SERPINE3: variants seen among roughly 807,000 people sequenced by gnomAD.
SERPINE3 encodes serpin family E member 3, also known as serpin E3.
Under a neutral mutation model 41.7 loss-of-function variants are expected in SERPINE3, and 43 were observed. The observed-to-expected ratio is 1.03, with a 90% CI of 0.81 to 1.33. The LOEUF is 1.33. Among genes scored for constraint, SERPINE3 ranks in the 40% most tolerant of loss-of-function variants. The probability of loss-of-function intolerance (pLI) is 0.00; values close to 1 mark genes in which losing one functional copy is unlikely to be tolerated. For missense variants in SERPINE3, 440 were observed against 491.7 expected, an observed-to-expected ratio of 0.89 and a Z score of 0.99; for synonymous variants, 200 against 192.2, an observed-to-expected ratio of 1.04 and a Z score of -0.34.
chr13:51,353,874 T>C (rs1955438060), intron 6 of SERPINE3, among the ~76,000 whole-genome samples: 1 of 152,198 alleles, frequency 6.6e-6, no homozygotes, highest in African/African-American at 2.4e-5. Context: ...TCCATTTTGA[T>C]CTTTTTTATT....
chr13:51,342,053 C>T (rs1033539055), intron 3 of SERPINE3, among the ~76,000 whole-genome samples: 7 of 152,090 alleles, frequency 4.6e-5, no homozygotes, highest in Non-Finnish European at 8.8e-5. Flanking sequence ...CCTCTGCTTA[C>T]GCTCAGTGCC....
intron 5 of SERPINE3, among the ~76,000 whole-genome samples, chr13:51,347,511 G>A (rs1445731463): frequency 6.6e-6 from 1 of 152,170 alleles, no homozygotes; most frequent in African/African-American, 2.4e-5. Context: ...AGTAGAGTTT[G>A]GACCAAACTG....
At chr13:51,342,178 CA>C (rs869298134) in intron 3 of SERPINE3, among the ~76,000 whole-genome samples, 4,476 of 63,624 alleles carry the variant, frequency 0.07, 66 homozygotes, top group South Asian at 0.12. Context: ...AAAGACAGAA[CA>C]AAAAAAAAAA....
At chr13:51,364,164 T>C in intron 9 of SERPINE3, 75 bp from the exon 10 acceptor site, 2 of 687,162 alleles carry the variant, frequency 2.9e-6, no homozygotes, top group Admixed American at 3.0e-5. Flanking sequence ...AAAGTATTTG[T>C]ATAGAAGTAA....
At chr13:51,348,591 C>A (rs1431200033) in intron 6 of SERPINE3, 180 bp downstream of exon 6, 2 of 592,952 alleles carry the variant, frequency 3.4e-6, no homozygotes, top group South Asian at 2.1e-5. Context: ...CATTTCAGAG[C>A]CACTGCTGGC....
At chr13:51,346,341 T>C (rs1216299972) in intron 4 of SERPINE3, among the ~76,000 whole-genome samples, 1 of 152,052 alleles carries the variant, frequency 6.6e-6, no homozygotes, top group African/African-American at 2.4e-5. Context: ...GGGGCGACAA[T>C]GTGCAGGATC....
chr13:51,345,859 A>G (rs1407111183), intron 4 of SERPINE3, among the ~76,000 whole-genome samples: 1 of 152,196 alleles, frequency 6.6e-6, no homozygotes, highest in Admixed American at 6.5e-5. Flanking sequence ...TCCTCTAAGA[A>G]AAAGGGGCAG....
intron 6 of SERPINE3, 98 bp downstream of exon 6, chr13:51,348,509 C>T: frequency 5.3e-6 from 5 of 934,838 alleles, no homozygotes; most frequent in Non-Finnish European, 8.1e-6. Flanking sequence ...CTGTGCTTAG[C>T]CACTGGGATG....
rs1263113847 is a variant in SERPINE3 at position 51,356,659 on chromosome 13, A to G, written c.1000+1516A>G. On this transcript the variant is annotated intron_variant, in intron 7 of 9. Coordinates refer to ENST00000681248, the MANE Select transcript of SERPINE3 (RefSeq NM_001386375.1). ...TGCCATCAACCCTCTGTCCTCAAAC[A>G]GGACTGATCTTAACACACATCATGT... is the stretch of plus-strand genomic sequence containing the variant. Among the ~76,000 whole-genome samples the G allele has an allele frequency of 2.6e-5, 4 of 152,204 alleles. No individual in the cohort carries two copies. The East Asian group carries it at 7.7e-4, about 29-fold the overall frequency.
intron 9 of SERPINE3, chr13:51,364,017 T>A (rs1955636075): frequency 3.1e-6 from 1 of 322,686 alleles, no homozygotes; most frequent in East Asian, 4.8e-5. Flanking sequence ...TCCTAGTAAT[T>A]CCAGAATCTA....
intron 3 of SERPINE3, among the ~76,000 whole-genome samples, chr13:51,343,378 C>A (rs755944928): frequency 1.3e-5 from 2 of 152,190 alleles, no homozygotes; most frequent in Non-Finnish European, 2.9e-5. Context: ...CTGGACTCAC[C>A]AGTGGGCAAG....
chr13:51,355,005 A>G, intron 6 of SERPINE3, 38 bp from the exon 7 acceptor site: 1 of 1,046,804 alleles, frequency 9.6e-7, no homozygotes, highest in Admixed American at 2.0e-5. Context: ...ATATTGAGTG[A>G]GAATTTTGAA....
At chr13:51,349,323 A>G (rs1369439632) in intron 6 of SERPINE3, among the ~76,000 whole-genome samples, 2 of 152,228 alleles carry the variant, frequency 1.3e-5, no homozygotes, top group Non-Finnish European at 2.9e-5. Context: ...TTAAGGGCCA[A>G]GGTCTAAAGT....
In SERPINE3 at chr13:51,345,592, C is replaced by CAAA. The variant is rs753888958; in HGVS notation, c.490+1129_490+1131dup. 4.2e-3 allele frequency among the ~76,000 whole-genome samples: 155 copies of CAAA among 36,636 alleles called. 1 individual carries two copies. The highest frequency in any genetic ancestry group is 5.0e-3 in the Non-Finnish European group (89 of 17,706). The allele number at this position is 36,636 out of a possible 152,430, so 24.0% of individuals were successfully genotyped here. The stretch of plus-strand genomic sequence containing the variant: ...CTTGGGCAACAGTGAGATTTCATCT[C>CAAA]AAAAAAAAAAAAAAAAAAAAAAAAG... On this transcript the variant is annotated intron_variant, in intron 4 of 9. Transcript: ENST00000681248.
rs1326940875 is a variant in SERPINE3, at chr13:51,361,377, A to G, written c.1087+13A>G. On this transcript the variant is annotated intron_variant, in intron 8 of 9. Coordinates refer to ENST00000681248, the MANE Select transcript of SERPINE3 (RefSeq NM_001386375.1). ...TCTGGAGCCACAGGTATGTTCAGAG[A>G]ATACCCAGTCACACTGCTTACCCAT... The G allele has an allele frequency of 7.2e-6, 11 of 1,534,456 alleles. No individual in the cohort carries two copies. The highest frequency in any genetic ancestry group is 9.9e-6 in the Non-Finnish European group (11 of 1,110,556).
At chr13:51,361,192 G>C (rs139464731) in intron 7 of SERPINE3, 86 bp from the exon 8 acceptor site, 3 of 874,334 alleles carry the variant, frequency 3.4e-6, no homozygotes, top group South Asian at 1.5e-5. Flanking sequence ...TATAAATTTT[G>C]TAAGTACATT....
rs565799202 is a variant in SERPINE3, at chr13:51,354,230, C to T, written c.900-813C>T. On this transcript the variant is annotated intron_variant, in intron 6 of 9. Transcript: ENST00000681248. ...GGTAGCAAAATGTAGGTGACTAGAGCATGGGCTCTGCACACACACAGGCTT... is the reference window on the plus strand; with the variant it reads ...GGTAGCAAAATGTAGGTGACTAGAGTATGGGCTCTGCACACACACAGGCTT... The T allele has an allele frequency of 3.3e-5, 5 of 152,100 alleles. No homozygotes were observed. In the East Asian group the frequency reaches 9.7e-4, roughly 29 times the overall value. 9.4% of individuals were successfully genotyped at this position (152,100 alleles called of 1,614,324 possible). A position where few individuals can be genotyped will look rare whatever the true frequency, so the allele number is the denominator to read the frequency against.
intron 4 of SERPINE3, among the ~76,000 whole-genome samples, chr13:51,345,592 CAAAAAA>C (rs753888958): frequency 2.3e-3 from 84 of 37,038 alleles, no homozygotes; most frequent in African/African-American, 7.2e-3. Flanking sequence ...GATTTCATCT[CAAAAAA>C]AAAAAAAAAA....
In SERPINE3 at chr13:51,348,206, C is replaced by T. The variant is rs1217341938; in HGVS notation, c.701-7C>T. The T allele has an allele frequency of 5.1e-6, 8 of 1,574,290 alleles. No individual in the cohort carries two copies. Among genetic ancestry groups the T allele is most frequent in the African/African-American group, 1.3e-5 (1 of 74,118 alleles). Reference sequence around the variant, plus strand: ...CAGAGCTGACCTCTGATCCACTGTACCCTCAGGTCAGTTCCAGGACACTGC... The same window carrying T: ...CAGAGCTGACCTCTGATCCACTGTATCCTCAGGTCAGTTCCAGGACACTGC... On this transcript the variant is annotated splice_region_variant and splice_polypyrimidine_tract_variant and intron_variant, in intron 5 of 9. Coordinates refer to ENST00000681248, the MANE Select transcript of SERPINE3 (RefSeq NM_001386375.1).
Sources: gnomAD v4.1 joint callset for allele counts (sites outside exome capture counted in the v4.1 genomes callset) on GRCh38, gnomAD v4.1.1 for gene constraint, MANE v1.5 for transcripts, NCBI Gene and HGNC (gene_info 2026-07-23, HGNC 2026-07-21) for gene names.